The following IL2RB variants were observed in gnomAD, a reference collection of about 807,000 sequenced individuals.
IL2RB encodes interleukin-2 receptor subunit beta.
Under a neutral mutation model 44.2 loss-of-function variants are expected in IL2RB, and 17 were observed. The ratio of observed to expected loss-of-function variants is 0.38; its 90% confidence interval spans 0.26 to 0.58. IL2RB has a LOEUF of 0.58. Ranked by LOEUF, IL2RB falls within the 20% of genes least tolerant of loss-of-function variation. The pLI is 0.63. For missense variants in IL2RB, 624 were observed against 685.5 expected, an observed-to-expected ratio of 0.91 and a Z score of 1.00; for synonymous variants, 286 against 297.9, an observed-to-expected ratio of 0.96 and a Z score of 0.41.
At chr22:37,144,784 C>G (rs372661075) in intron 1 of IL2RB, among the ~76,000 whole-genome samples, 140 of 152,240 alleles carry the variant, frequency 9.2e-4, no homozygotes, top group African/African-American at 3.2e-3. Flanking sequence ...TACTCACCAC[C>G]CCCCTACATT....
At chr22:37,130,924 T>A (rs1297592827) in intron 9 of IL2RB, among the ~76,000 whole-genome samples, 1 of 152,222 alleles carries the variant, frequency 6.6e-6, no homozygotes, top group East Asian at 1.9e-4. Flanking sequence ...CCCAGCACTT[T>A]GGGAGGCCGA....
chr22:37,162,329 TAAA>T (rs777426449), intron 1 of IL2RB, among the ~76,000 whole-genome samples: 12 of 152,072 alleles, frequency 7.9e-5, no homozygotes, highest in Admixed American at 2.0e-4. Context: ...AGGTCTTTGA[TAAA>T]AACCTCCTCT....
intron 1 of IL2RB, among the ~76,000 whole-genome samples, chr22:37,160,564 T>A (rs1601611684): frequency 6.6e-6 from 1 of 151,884 alleles, no homozygotes; most frequent in East Asian, 1.9e-4. Context: ...AAACTCAATT[T>A]GCAAAAGAAG....
chr22:37,132,014 A>T (rs1921456060), intron 9 of IL2RB, among the ~76,000 whole-genome samples: 1 of 152,188 alleles, frequency 6.6e-6, no homozygotes, highest in Non-Finnish European at 1.5e-5. Flanking sequence ...GATTACAGGC[A>T]TGAACCACTG....
At chr22:37,135,542 C>A in intron 7 of IL2RB, 100 bp from the exon 8 acceptor site, 1 of 701,076 alleles carries the variant, frequency 1.4e-6, no homozygotes, top group Non-Finnish European at 2.5e-6. Context: ...GGCCCTGCCA[C>A]GCAGGCCTGC....
chr22:37,142,747 G>A, intron 3 of IL2RB: 1 of 678,418 alleles, frequency 1.5e-6, no homozygotes, highest in Non-Finnish European at 2.7e-6. Context: ...GGCAGCTGGA[G>A]TGATCTAGAA....
chr22:37,135,208 G>A, intron 8 of IL2RB, 120 bp downstream of exon 8: 1 of 702,366 alleles, frequency 1.4e-6, no homozygotes, highest in Middle Eastern at 2.7e-4. Context: ...GGTGGCATGT[G>A]TTCATGTAAG....
chr22:37,142,913 A>C (rs1569046330), intron 3 of IL2RB, among the ~76,000 whole-genome samples: 21 of 134,962 alleles, frequency 1.6e-4, no homozygotes, highest in African/African-American at 3.6e-4. Flanking sequence ...TTACCCCTCC[A>C]TCTCCCTCCC....
chr22:37,136,989 T>G (rs1422978975), intron 6 of IL2RB, among the ~76,000 whole-genome samples: 1 of 152,214 alleles, frequency 6.6e-6, no homozygotes, highest in African/African-American at 2.4e-5. Flanking sequence ...GTCAAATTCC[T>G]TGCCCCGTTG....
At chr22:37,129,470 C>T (rs960340363) in intron 9 of IL2RB, among the ~76,000 whole-genome samples, 1 of 151,044 alleles carries the variant, frequency 6.6e-6, no homozygotes, top group African/African-American at 2.4e-5. Flanking sequence ...ACCCCCTCCG[C>T]CTCCCATCCC....
At chr22:37,139,277 G>A (rs1447306889) in intron 4 of IL2RB, 55 bp from the exon 5 acceptor site, 6 of 1,251,392 alleles carry the variant, frequency 4.8e-6, no homozygotes, top group East Asian at 2.5e-5. Context: ...GCAGGGGAAG[G>A]GGGAGGCCAC....
chr22:37,150,190 C>A (rs1922425001), upstream of IL2RB, among the ~76,000 whole-genome samples: 1 of 151,976 alleles, frequency 6.6e-6, no homozygotes, highest in African/African-American at 2.4e-5. Flanking sequence ...CGCAGGCCCT[C>A]CCTCTCTCCC....
At chr22:37,169,153 A>T (rs1165143271) in intron 1 of IL2RB, among the ~76,000 whole-genome samples, 3 of 149,868 alleles carry the variant, frequency 2.0e-5, no homozygotes, top group Non-Finnish European at 4.4e-5. Context: ...TTCTGTTTAC[A>T]GAGGGGTTCT....
Position 37,126,122 on chromosome 22 carries a change from C to A in IL2RB, c.*1974G>T, listed in dbSNP as rs1921097820. 1 of 152,140 alleles carries A rather than the reference C, an allele frequency of 6.6e-6. No individual in the cohort carries two copies. Among genetic ancestry groups the A allele is most frequent in the African/African-American group, 2.4e-5 (1 of 41,428 alleles). 9.4% of individuals were successfully genotyped at this position (152,140 alleles called of 1,614,324 possible). ...AAAGTGGAGAAGGCAAATACAATTT[C>A]CATTTGGGGGGATAAGGAGACCGAC... On this transcript the variant is annotated 3_prime_UTR_variant, in exon 10 of 10. Coordinates refer to ENST00000216223, the MANE Select transcript of IL2RB (RefSeq NM_000878.5).
At chr22:37,152,020 T>G (rs1176467615), upstream of IL2RB, among the ~76,000 whole-genome samples, 3 of 152,218 alleles carry the variant, frequency 2.0e-5, no homozygotes, top group Admixed American at 1.3e-4. Flanking sequence ...CCAGTTTCAC[T>G]CTTTTTGCTT....
chr22:37,128,150 A>G lies in IL2RB; in HGVS notation c.1602T>C (p.Asp534=). 1 of 1,581,344 alleles carries G rather than the reference A, an allele frequency of 6.3e-7. No individual in the cohort carries two copies. The highest frequency in any genetic ancestry group is 8.6e-7 in the Non-Finnish European group (1 of 1,166,924). Reference sequence around the variant, plus strand: ...GGAGTTCTTGGAGGGACAAGTAGGCATCAGTGTTCAGGGGCAGGCGAGCAT... The same window carrying G: ...GGAGTTCTTGGAGGGACAAGTAGGCGTCAGTGTTCAGGGGCAGGCGAGCAT... ...ALNARLPLNT[D]AYLSLQELQG... is the part of the protein sequence containing the mutation. Residue 534 remains aspartate, a synonymous_variant, in exon 10 of 10, where the codon GAT becomes GAC. Transcript: ENST00000216223. This position sits in a 1 kb window ranked among gnomAD's most constrained non-coding sequence, Gnocchi z 4.5.
Position 37,141,228 on chromosome 22 carries a change from C to A in IL2RB, c.282+1206G>T, listed in dbSNP as rs1282345313. Among the ~76,000 whole-genome samples, 5 of 151,988 alleles carry A rather than the reference C, an allele frequency of 3.3e-5. No homozygotes were observed. The highest frequency in any genetic ancestry group is 1.2e-4 in the African/African-American group (5 of 41,358). The stretch of plus-strand genomic sequence containing the variant: ...CCAGGTGTCCCTGCACTCTCAGGGG[C>A]CCTGGTCCAAACCCAAGCCTCCAGG... On this transcript the variant is annotated intron_variant, in intron 4 of 9. Transcript: ENST00000216223. This position sits in a 1 kb window ranked among gnomAD's most constrained non-coding sequence, Gnocchi z 4.4.
At chr22:37,165,129 C>G (rs137972035) in intron 1 of IL2RB, among the ~76,000 whole-genome samples, 2 of 152,214 alleles carry the variant, frequency 1.3e-5, no homozygotes, top group African/African-American at 4.8e-5. Context: ...AACTGAGGCA[C>G]GGGGAGGTTA....
chr22:37,154,558 T>G (rs1922608700), upstream of IL2RB, among the ~76,000 whole-genome samples: 1 of 151,004 alleles, frequency 6.6e-6, no homozygotes, highest in Non-Finnish European at 1.5e-5. Flanking sequence ...TTAATCCCTC[T>G]ATCTCTCTTT....
Sources: gnomAD v4.1 joint callset for allele counts (sites outside exome capture counted in the v4.1 genomes callset) on GRCh38, gnomAD v4.1.1 for gene constraint, Gnocchi (gnomAD v3.1) non-coding constraint, MANE v1.5 for transcripts, NCBI Gene and HGNC (gene_info 2026-07-23, HGNC 2026-07-21) for gene names.